NBAS: variants seen among roughly 807,000 people sequenced by gnomAD.
NBAS encodes the protein NBAS subunit of NRZ tethering complex.
Under a neutral mutation model 302.5 loss-of-function variants are expected in NBAS, and 219 were observed. That is an observed-to-expected ratio of 0.72 (90% CI 0.65 to 0.81). The LOEUF (loss-of-function observed/expected upper bound fraction) is 0.81, where lower values mean the gene tolerates loss of function less well. Among genes scored for constraint, NBAS ranks in the 30% least tolerant of loss-of-function variants. NBAS has a pLI of 0.00. For missense variants in NBAS, 2,932 were observed against 2,841.6 expected (o/e 1.03, Z -0.72); for synonymous variants, 1,118 against 1,021.6 (o/e 1.09, Z -1.80).
At position 15,234,759 on chromosome 2, in the gene NBAS, T is replaced by C. The variant is rs766531069; in HGVS notation, c.5944-12A>G. On this transcript the variant is annotated splice_polypyrimidine_tract_variant and intron_variant, in intron 45 of 51. Coordinates refer to ENST00000281513, the MANE Select transcript of NBAS (RefSeq NM_015909.4). ...TTTTGCAGTGTTTCCTGTAAAGACATGGTAATCAGCACTTAAGTATCAAAT... is the reference window on the plus strand; with the variant it reads ...TTTTGCAGTGTTTCCTGTAAAGACACGGTAATCAGCACTTAAGTATCAAAT... 1 of 1,612,518 alleles carries C rather than the reference T, an allele frequency of 6.2e-7. No homozygotes were observed. Among genetic ancestry groups the C allele is most frequent in the Non-Finnish European group, 8.5e-7 (1 of 1,178,542 alleles).
chr2:15,058,027 T>C, the NBAS span, among the ~76,000 whole-genome samples: 1,115 of 152,306 alleles, frequency 7.3e-3, 18 homozygotes, highest in African/African-American at 0.026. Context: ...CTATGGAAAA[T>C]AGTGTGGAGA....
chr2:14,826,381 T>C, the NBAS span, among the ~76,000 whole-genome samples: 2 of 152,258 alleles, frequency 1.3e-5, no homozygotes, highest in Non-Finnish European at 2.9e-5. Flanking sequence ...TAAGTAAATA[T>C]GTAAATGCAC....
chr2:14,862,866 G>A, the NBAS span, among the ~76,000 whole-genome samples: 6 of 152,132 alleles, frequency 3.9e-5, no homozygotes, highest in African/African-American at 1.2e-4. Flanking sequence ...GTAATTCAGG[G>A]ACTCAGGTTT....
chr2:14,957,466 C>A, the NBAS span, among the ~76,000 whole-genome samples: 34 of 152,316 alleles, frequency 2.2e-4, no homozygotes, highest in Admixed American at 2.2e-3. Context: ...ACTATCTTTG[C>A]ATCAAATTCC....
rs765423145 is a variant in NBAS, at chr2:15,366,670, T to C, written c.3727A>G (p.Ser1243Gly). ...LQVRLCPDRI[S>G]LIKECISQSP... ...TGGGAAATACACTCCTTGATGAGAC[T>C]GATCCGATCAGGGCACAATCGCACT... The change falls in exon 32 of 52, where the codon AGT becomes GGT. Residue 1243 changes from serine to glycine, a missense_variant. Transcript: ENST00000281513. The C allele has an allele frequency of 1.2e-6, 2 of 1,614,086 alleles. No homozygotes were observed. The highest frequency in any genetic ancestry group is 3.3e-5 in the Admixed American group (2 of 60,014).
chr2:15,248,607 A>C (rs1351459678), intron 44 of NBAS, among the ~76,000 whole-genome samples: 1 of 152,208 alleles, frequency 6.6e-6, no homozygotes, highest in Non-Finnish European at 1.5e-5. Flanking sequence ...TATCAAATAG[A>C]TGCAATAAAA....
At chr2:15,012,448 A>G in the NBAS span, among the ~76,000 whole-genome samples, 1 of 152,180 alleles carries the variant, frequency 6.6e-6, no homozygotes, top group East Asian at 1.9e-4. Context: ...GATGTTCCAG[A>G]AAGAGAAGAA....
At chr2:15,288,818 C>T (rs548129923) in intron 41 of NBAS, among the ~76,000 whole-genome samples, 5 of 152,306 alleles carry the variant, frequency 3.3e-5, no homozygotes, top group African/African-American at 1.2e-4. Context: ...GGAAACCATG[C>T]CATTTATATG....
At chr2:15,386,171 G>A (rs1675284886) in intron 28 of NBAS, among the ~76,000 whole-genome samples, 1 of 152,174 alleles carries the variant, frequency 6.6e-6, no homozygotes, top group Non-Finnish European at 1.5e-5. Context: ...GTTAATGACT[G>A]TAGTATAGTT....
chr2:14,986,050 T>G, the NBAS span, among the ~76,000 whole-genome samples: 1 of 152,142 alleles, frequency 6.6e-6, no homozygotes, highest in Non-Finnish European at 1.5e-5. Flanking sequence ...TTAAGCGCAA[T>G]GCATTTGGTT....
intron 11 of NBAS, among the ~76,000 whole-genome samples, chr2:15,495,540 T>TA (rs1558389139): frequency 2.6e-5 from 4 of 151,786 alleles, no homozygotes; most frequent in Non-Finnish European, 4.4e-5. Context: ...TAGTTTTTTT[T>TA]AAAAAGCCAT....
At chr2:15,246,215 C>T (rs972772189) in intron 44 of NBAS, among the ~76,000 whole-genome samples, 3 of 152,178 alleles carry the variant, frequency 2.0e-5, no homozygotes, top group African/African-American at 7.2e-5. Flanking sequence ...AACATAATCA[C>T]CCTTTCTTAG....
intron 48 of NBAS, among the ~76,000 whole-genome samples, chr2:15,202,431 G>T (rs115143536): frequency 7.9e-5 from 12 of 152,250 alleles, no homozygotes; most frequent in Non-Finnish European, 1.3e-4. Flanking sequence ...ATAAGAAGAG[G>T]AAAGATTTTG....
chr2:14,782,894 G>A, the NBAS span, among the ~76,000 whole-genome samples: 4,039 of 152,212 alleles, frequency 0.027, 83 homozygotes, highest in Middle Eastern at 0.14. Context: ...CTTACAAGTG[G>A]GAGCTAAATA....
At chr2:15,240,438 T>G (rs1158496648) in intron 44 of NBAS, among the ~76,000 whole-genome samples, 1 of 49,084 alleles carries the variant, frequency 2.0e-5, no homozygotes, top group South Asian at 4.9e-4. Context: ...CCGTCTCTAC[T>G]AAAAATACAA....
chr2:15,259,594 G>A (rs1668759326), intron 44 of NBAS, among the ~76,000 whole-genome samples: 1 of 152,160 alleles, frequency 6.6e-6, no homozygotes, highest in African/African-American at 2.4e-5. Context: ...TGAAGGACCT[G>A]GGATCAGTCT....
the NBAS span, among the ~76,000 whole-genome samples, chr2:14,905,404 C>T: frequency 6.6e-6 from 1 of 152,114 alleles, no homozygotes; most frequent in Non-Finnish European, 1.5e-5. Context: ...GACATGGAAC[C>T]ATAAAACCAG....
chr2:15,340,623 G>A (rs1028952671), intron 35 of NBAS, among the ~76,000 whole-genome samples: 4 of 152,086 alleles, frequency 2.6e-5, no homozygotes, highest in Non-Finnish European at 4.4e-5. Flanking sequence ...GCACAAAGTC[G>A]ATTATTTCAA....
intron 48 of NBAS, among the ~76,000 whole-genome samples, chr2:15,208,409 G>C (rs1181361835): frequency 6.6e-6 from 1 of 152,134 alleles, no homozygotes; most frequent in African/African-American, 2.4e-5. Flanking sequence ...GATGAGATTT[G>C]GTTGGGGACA....
Sources: allele counts gnomAD v4.1 joint callset (sites outside exome capture counted in the v4.1 genomes callset), GRCh38; gene constraint gnomAD v4.1.1; transcripts MANE v1.5; gene names NCBI Gene and HGNC (gene_info 2026-07-23, HGNC 2026-07-21).